The following KDM4B variants were observed in gnomAD, a reference collection of about 807,000 sequenced individuals.
The protein encoded by KDM4B is lysine demethylase 4B.
KDM4B carries 32 observed loss-of-function variants against 125.2 expected under a neutral mutation model. The ratio of observed to expected loss-of-function variants is 0.26; its 90% CI spans 0.19 to 0.34. The LOEUF (loss-of-function observed/expected upper bound fraction) is 0.34. Ranked by LOEUF, KDM4B falls within the 10% of genes least tolerant of loss-of-function variation. KDM4B has a pLI of 1.00. For synonymous variants in KDM4B, 721 were observed against 677.9 expected (o/e 1.06, Z -0.99); for missense variants, 1,190 against 1,577.7 (o/e 0.75, Z 4.16).
chr19:5,013,592 G>T (rs1457167554), intron 1 of KDM4B, among the ~76,000 whole-genome samples: 1 of 152,138 alleles, frequency 6.6e-6, no homozygotes, highest in Non-Finnish European at 1.5e-5. Flanking sequence ...AGAGGTGTCC[G>T]CATCCCTCGG....
intron 11 of KDM4B, among the ~76,000 whole-genome samples, chr19:5,123,774 C>T (rs1012406121): frequency 1.3e-5 from 2 of 152,218 alleles, no homozygotes; most frequent in African/African-American, 2.4e-5. Flanking sequence ...GGATAAGTTC[C>T]TGGGCTGGCT....
chr19:4,980,694 C>T (rs1327649388), intron 1 of KDM4B, among the ~76,000 whole-genome samples: 1 of 152,162 alleles, frequency 6.6e-6, no homozygotes, highest in South Asian at 2.1e-4. Flanking sequence ...TCCCAAAGTG[C>T]TGGGATGACA....
chr19:5,103,040 C>G (rs537663181), intron 9 of KDM4B, among the ~76,000 whole-genome samples: 12 of 152,364 alleles, frequency 7.9e-5, no homozygotes, highest in Non-Finnish European at 1.8e-4. Flanking sequence ...ACAGGCCAGT[C>G]CTGGTGATGG....
At chr19:5,084,339 T>C (rs1025892788) in intron 9 of KDM4B, among the ~76,000 whole-genome samples, 7 of 145,444 alleles carry the variant, frequency 4.8e-5, no homozygotes, top group African/African-American at 1.8e-4. Context: ...ATATAATTTA[T>C]ATATTGTATG....
chr19:5,042,041 T>C (rs1346128701), intron 5 of KDM4B, among the ~76,000 whole-genome samples: 2 of 152,206 alleles, frequency 1.3e-5, no homozygotes, highest in East Asian at 1.9e-4. Flanking sequence ...GCCCCCGACA[T>C]GGAGCCAGGC....
intron 11 of KDM4B, among the ~76,000 whole-genome samples, chr19:5,129,388 C>T (rs1290710425): frequency 6.6e-6 from 1 of 152,128 alleles, no homozygotes; most frequent in Non-Finnish European, 1.5e-5. Context: ...TGCTGAGGGT[C>T]TCAGCGCTTA....
chr19:5,021,141 CAAAAAA>C (rs759355053), intron 2 of KDM4B, among the ~76,000 whole-genome samples: 1 of 44,098 alleles, frequency 2.3e-5, no homozygotes, highest in Admixed American at 1.9e-4. Flanking sequence ...GAAACTGTCT[CAAAAAA>C]AAAAAAAAAA....
intron 3 of KDM4B, among the ~76,000 whole-genome samples, chr19:5,036,213 G>C (rs370987864): frequency 6.6e-6 from 1 of 152,218 alleles, no homozygotes; most frequent in African/African-American, 2.4e-5. Context: ...GTGTGTGTGC[G>C]TGCATGTATG....
chr19:5,002,789 A>G (rs548994407), intron 1 of KDM4B, among the ~76,000 whole-genome samples: 1 of 152,130 alleles, frequency 6.6e-6, no homozygotes, highest in East Asian at 1.9e-4. Flanking sequence ...TCTCTACAAA[A>G]AAGAAAAAAA....
At chr19:5,098,088 C>T (rs928436382) in intron 9 of KDM4B, among the ~76,000 whole-genome samples, 22 of 152,232 alleles carry the variant, frequency 1.4e-4, no homozygotes, top group Admixed American at 6.5e-5. Context: ...CAGAGGCAGA[C>T]ACAGCCCCCA....
At chr19:5,038,956 A>G (rs985406771) in intron 3 of KDM4B, among the ~76,000 whole-genome samples, 1 of 152,210 alleles carries the variant, frequency 6.6e-6, no homozygotes, top group Admixed American at 6.5e-5. Context: ...AGCTCCTAGA[A>G]CTTGGGTTGC....
chr19:5,149,974 C>T (rs1251677876), intron 21 of KDM4B, among the ~76,000 whole-genome samples: 2 of 152,146 alleles, frequency 1.3e-5, no homozygotes, highest in South Asian at 2.1e-4. Flanking sequence ...TAGGGCACTG[C>T]GCCTCCTGCC....
chr19:5,079,765 C>T (rs1032615146), intron 8 of KDM4B, among the ~76,000 whole-genome samples: 1 of 152,250 alleles, frequency 6.6e-6, no homozygotes, highest in Non-Finnish European at 1.5e-5. Flanking sequence ...TGGGGTCTCA[C>T]TCTGTTGTCC....
intron 9 of KDM4B, among the ~76,000 whole-genome samples, chr19:5,097,957 G>T (rs964551061): frequency 2.0e-5 from 3 of 152,222 alleles, no homozygotes; most frequent in Admixed American, 2.0e-4. Context: ...GGCATGGGGG[G>T]CGCAAATGTC....
chr19:5,103,591 C>G (rs964287153), intron 9 of KDM4B, among the ~76,000 whole-genome samples: 4 of 152,190 alleles, frequency 2.6e-5, no homozygotes, highest in Non-Finnish European at 4.4e-5. Flanking sequence ...GAGGTTAGTC[C>G]AGGTCCCCTG....
chr19:5,150,339 G>A lies in KDM4B; in HGVS notation c.3022-19G>A. 1 of 1,548,074 alleles carries A rather than the reference G, an allele frequency of 6.5e-7. No individual in the cohort carries two copies. The highest frequency in any genetic ancestry group is 8.7e-7 in the Non-Finnish European group (1 of 1,144,340). On this transcript the variant is annotated intron_variant, in intron 21 of 22. Coordinates refer to ENST00000159111, the MANE Select transcript of KDM4B (RefSeq NM_015015.3). ...CATCCTGGCAGTGCCAGGCCCCTGA[G>A]AGCCACATCCCCCTGCAGGTGGAGT...
At chr19:5,132,657 A>G (rs1031044955) in intron 13 of KDM4B, among the ~76,000 whole-genome samples, 11 of 151,972 alleles carry the variant, frequency 7.2e-5, no homozygotes, top group Admixed American at 6.5e-4. Flanking sequence ...TGGCTTGGGA[A>G]GGGGTCTTGC....
At chr19:5,136,737 C>T (rs1353082738) in intron 15 of KDM4B, among the ~76,000 whole-genome samples, 1 of 152,216 alleles carries the variant, frequency 6.6e-6, no homozygotes, top group Non-Finnish European at 1.5e-5. Flanking sequence ...GAGCCCCTTC[C>T]ACACTGGGGG....
chr19:5,043,782 G>C (rs959476707), intron 5 of KDM4B, among the ~76,000 whole-genome samples: 6 of 24,388 alleles, frequency 2.5e-4, no homozygotes, highest in Non-Finnish European at 5.1e-4. Context: ...TTATCGGAGT[G>C]GGGTGTCCAC....
Sources: gnomAD v4.1 joint callset for allele counts (sites outside exome capture counted in the v4.1 genomes callset) on GRCh38, gnomAD v4.1.1 for gene constraint, MANE v1.5 for transcripts, NCBI Gene and HGNC (gene_info 2026-07-23, HGNC 2026-07-21) for gene names.